WFDC8: variants seen among roughly 807,000 people sequenced by gnomAD.
WFDC8 encodes the protein WAP four-disulfide core domain 8.
Under a neutral mutation model 27.0 loss-of-function variants are expected in WFDC8, and 24 were observed. The ratio of observed to expected loss-of-function variants is 0.89; its 90% CI spans 0.64 to 1.25. WFDC8 has a LOEUF of 1.25. WFDC8 is among the 50% of genes most tolerant of loss of function. WFDC8 has a pLI of 0.00. For missense variants in WFDC8, 287 were observed against 295.9 expected, an observed-to-expected ratio of 0.97 and a Z score of 0.22; for synonymous variants, 106 against 99.7, an observed-to-expected ratio of 1.06 and a Z score of -0.38.
In WFDC8 at chr20:45,560,740, C is replaced by T. The variant is rs555603381; in HGVS notation, c.136+1370G>A. On this transcript the variant is annotated intron_variant, in intron 2 of 5. Transcript: ENST00000289953. ...CCACGTCTTCCCTGAGGACTGGCCACTGAGACTTTGAGTACTTTCCAACAA... is the reference window on the plus strand; with the variant it reads ...CCACGTCTTCCCTGAGGACTGGCCATTGAGACTTTGAGTACTTTCCAACAA... Among the ~76,000 whole-genome samples, 15 of 152,332 alleles carry T rather than the reference C, an allele frequency of 9.8e-5. No individual in the cohort carries two copies. The South Asian group carries it at 3.1e-3, about 32-fold the overall frequency.
At chr20:45,566,570 G>A (rs1202258104) in intron 1 of WFDC8, among the ~76,000 whole-genome samples, 1 of 152,136 alleles carries the variant, frequency 6.6e-6, no homozygotes, top group Admixed American at 6.5e-5. Flanking sequence ...GGCTGAGGCA[G>A]GAGAATTGCT....
intron 1 of WFDC8, 149 bp from the exon 2 acceptor site, chr20:45,562,368 G>A (rs1027483164): frequency 7.6e-6 from 5 of 661,360 alleles, no homozygotes; most frequent in Non-Finnish European, 1.1e-5. Context: ...GTCTGTCTGA[G>A]GTCAGATGGT....
intron 4 of WFDC8, among the ~76,000 whole-genome samples, chr20:45,555,384 G>C (rs1980200152): frequency 6.6e-6 from 1 of 152,154 alleles, no homozygotes; most frequent in South Asian, 2.1e-4. Flanking sequence ...TTACTATGAT[G>C]AGGAAACACC....
chr20:45,555,595 AG>A lies in WFDC8; in HGVS notation c.445+105del, dbSNP rs951144638. ...TCCCAGCCAGTGAATGACAGAGCTA[AG>A]TCTTGAACCAAGGAACTTTAACCTC... On this transcript the variant is annotated intron_variant, in intron 4 of 5. Coordinates refer to ENST00000289953, the MANE Select transcript of WFDC8 (RefSeq NM_130896.3). 3 of 1,301,180 alleles carry A rather than the reference AG, an allele frequency of 2.3e-6. No individual in the cohort carries two copies. The African/African-American group carries it at 4.4e-5, about 19-fold the overall frequency. The allele number at this position is 1,301,180 out of a possible 1,614,324, so 80.6% of individuals were successfully genotyped here. A position where few individuals can be genotyped will look rare whatever the true frequency, so the allele number is the denominator to read the frequency against.
chr20:45,557,586 A>G (rs1980308766), intron 3 of WFDC8, among the ~76,000 whole-genome samples: 1 of 152,002 alleles, frequency 6.6e-6, no homozygotes, highest in South Asian at 2.1e-4. Context: ...GCACCCGCCA[A>G]CATGCCCAGC....
At chr20:45,572,107 A>C (rs910278040) in intron 1 of WFDC8, among the ~76,000 whole-genome samples, 8 of 152,194 alleles carry the variant, frequency 5.3e-5, no homozygotes, top group African/African-American at 1.4e-4. Flanking sequence ...AGTGTTCAAG[A>C]ATTCCCTTTT....
chr20:45,562,046 T>C, intron 2 of WFDC8, 64 bp downstream of exon 2: 2 of 1,479,514 alleles, frequency 1.4e-6, no homozygotes, highest in Admixed American at 1.8e-5. Flanking sequence ...ACTGGCCTCA[T>C]GTCTAACCCT....
intron 1 of WFDC8, among the ~76,000 whole-genome samples, chr20:45,576,828 G>C (rs941065800): frequency 2.0e-5 from 3 of 151,344 alleles, no homozygotes; most frequent in Admixed American, 6.6e-5. Flanking sequence ...TTCAAATCGT[G>C]TAAATCTACA....
intron 1 of WFDC8, among the ~76,000 whole-genome samples, chr20:45,564,155 A>G (rs1158350689): frequency 2.7e-4 from 41 of 152,220 alleles, no homozygotes; most frequent in Admixed American, 2.7e-3. Flanking sequence ...TAGGTAACAA[A>G]TGAGCATAAT....
At position 45,555,860 on chromosome 20, in the gene WFDC8, T is replaced by A; in HGVS notation, c.286A>T (p.Met96Leu). The A allele has an allele frequency of 1.9e-6, 3 of 1,613,860 alleles. No homozygotes were observed. The East Asian group carries it at 6.7e-5, about 36-fold the overall frequency. ...CAGTTTCCATGCCTCACAGGTAGCATGCAGGGTTCTGAGGTCAGGAAGCAA... is the reference window on the plus strand; with the variant it reads ...CAGTTTCCATGCCTCACAGGTAGCAAGCAGGGTTCTGAGGTCAGGAAGCAA... ...KCMDPFQEPC[M>L]LPVRHGNCNH... The change falls in exon 4 of 6, where the codon ATG becomes TTG. Residue 96 changes from methionine to leucine, a missense_variant. Coordinates refer to ENST00000289953, the MANE Select transcript of WFDC8 (RefSeq NM_130896.3).
At chr20:45,556,642 C>T (rs530847773) in intron 3 of WFDC8, among the ~76,000 whole-genome samples, 1 of 152,248 alleles carries the variant, frequency 6.6e-6, no homozygotes, top group Admixed American at 6.5e-5. Flanking sequence ...CCGAAGAGCT[C>T]AACGTCAACC....
At chr20:45,562,084 A>G in intron 2 of WFDC8, 26 bp downstream of exon 2, 4 of 1,602,408 alleles carry the variant, frequency 2.5e-6, no homozygotes, top group Non-Finnish European at 3.4e-6. Context: ...TCTAAGGAAG[A>G]ATGGCTGCAG....
chr20:45,556,009 G>C, intron 3 of WFDC8, 141 bp from the exon 4 acceptor site: 1 of 780,858 alleles, frequency 1.3e-6, no homozygotes, highest in East Asian at 2.6e-5. Context: ...AAAAGGCATA[G>C]GTTCTGGTCC....
Position 45,558,868 on chromosome 20 carries a change from G to A in WFDC8, c.261C>T (p.Cys87=). Residue 87 remains cysteine (C), a synonymous_variant, in exon 3 of 6, where the codon TGC becomes TGT. Transcript: ENST00000289953. ...CATCGCTACCTTGAAAGGGATCCAT[G>A]CACTTCTTCTGACAGGCAAAAAAGC... ...KCCFFACQKK[C]MDPFQEPCML... 6.2e-7 allele frequency: 1 copy of A among 1,614,156 alleles called. No homozygotes were observed. Among genetic ancestry groups the A allele is most frequent in the Non-Finnish European group, 8.5e-7 (1 of 1,180,022 alleles).
chr20:45,558,579 A>G (rs1980351101), intron 3 of WFDC8, among the ~76,000 whole-genome samples: 1 of 152,254 alleles, frequency 6.6e-6, no homozygotes, highest in African/African-American at 2.4e-5. Flanking sequence ...TCACAGTGCC[A>G]TAACAGTCTC....
chr20:45,573,150 G>A (rs796299815), intron 1 of WFDC8, among the ~76,000 whole-genome samples: 4 of 152,128 alleles, frequency 2.6e-5, no homozygotes, highest in African/African-American at 9.6e-5. Flanking sequence ...TTTTACTTCT[G>A]TTTCTTGTGA....
chr20:45,579,163 T>TCTCCTTGGGCTCAGACC lies in WFDC8; in HGVS notation c.26+42_26+58dup, dbSNP rs1981148463. 4 of 1,563,920 alleles carry TCTCCTTGGGCTCAGACC rather than the reference T, an allele frequency of 2.6e-6. No homozygotes were observed. In the East Asian group the frequency reaches 9.0e-5, roughly 35 times the overall value. ...CTCTAACTTCTATGTATCCTCCTCATCTCCTTGGGCTCAGACCCTCCATGT... is the reference window on the plus strand; with the variant it reads ...CTCTAACTTCTATGTATCCTCCTCATCTCCTTGGGCTCAGACCCTCCTTGGGCTCAGACCCTCCATGT... On this transcript the variant is annotated intron_variant, in intron 1 of 5. Transcript: ENST00000289953.
intron 2 of WFDC8, among the ~76,000 whole-genome samples, 178 bp downstream of exon 2, chr20:45,561,932 G>C (rs139094922): frequency 6.6e-6 from 1 of 152,066 alleles, no homozygotes; most frequent in African/African-American, 2.4e-5. Context: ...GAAATAATTT[G>C]GGGGGAGCAA....
chr20:45,561,974 G>C, intron 2 of WFDC8, 136 bp downstream of exon 2: 1 of 716,434 alleles, frequency 1.4e-6, no homozygotes, highest in East Asian at 2.7e-5. Context: ...CCAGGGTCGT[G>C]AGCAGGGGTA....
Sources: gnomAD v4.1 joint callset for allele counts (sites outside exome capture counted in the v4.1 genomes callset) on GRCh38, gnomAD v4.1.1 for gene constraint, MANE v1.5 for transcripts, NCBI Gene and HGNC (gene_info 2026-07-23, HGNC 2026-07-21) for gene names.